The following NCOA2 variants were observed in gnomAD, a reference collection of about 807,000 sequenced individuals.
The protein encoded by NCOA2 is class E basic helix-loop-helix protein 75.
In NCOA2, 21 loss-of-function variants were observed where a neutral mutation model predicts 145.1. The observed-to-expected ratio is 0.14, with a 90% CI of 0.10 to 0.21. The LOEUF is 0.21. NCOA2 is among the 10% of genes least tolerant of loss of function. The pLI is 1.00. For synonymous variants in NCOA2, 619 were observed against 637.5 expected, an observed-to-expected ratio of 0.97 and a Z score of 0.44; for missense variants, 1,472 against 1,837.6, an observed-to-expected ratio of 0.80 and a Z score of 3.64.
the NCOA2 span, among the ~76,000 whole-genome samples, chr8:70,456,038 C>T: frequency 6.7e-6 from 1 of 148,202 alleles, no homozygotes; most frequent in Non-Finnish European, 1.5e-5. Flanking sequence ...TAGATGAAGA[C>T]ATTTGGGGAC....
At chr8:70,172,481 C>T (rs58958085) in intron 5 of NCOA2, among the ~76,000 whole-genome samples, 8,207 of 152,220 alleles carry the variant, frequency 0.054, 740 homozygotes, top group African/African-American at 0.19. Flanking sequence ...CCATAAGGCA[C>T]CAGAGAAAGG....
intron 2 of NCOA2, among the ~76,000 whole-genome samples, chr8:70,278,223 G>A (rs1470138571): frequency 1.3e-5 from 2 of 152,168 alleles, no homozygotes; most frequent in East Asian, 3.9e-4. Context: ...CATCCATTTT[G>A]TAGCATGTAT....
the NCOA2 span, among the ~76,000 whole-genome samples, chr8:70,452,407 G>C: frequency 6.6e-6 from 1 of 152,158 alleles, no homozygotes; most frequent in African/African-American, 2.4e-5. Flanking sequence ...ACACCCATGA[G>C]GATAACTATA....
chr8:70,231,989 T>A (rs1821180789), intron 2 of NCOA2, among the ~76,000 whole-genome samples: 1 of 152,146 alleles, frequency 6.6e-6, no homozygotes. Flanking sequence ...AACTAATGAG[T>A]ATCCCGCAGG....
At chr8:70,441,809 A>G in the NCOA2 span, among the ~76,000 whole-genome samples, 1 of 82,992 alleles carries the variant, frequency 1.2e-5, no homozygotes, top group Non-Finnish European at 2.5e-5. Context: ...AGAAAGAAAG[A>G]AAGAAAGAAG....
chr8:70,422,035 C>T, the NCOA2 span, among the ~76,000 whole-genome samples: 1 of 151,620 alleles, frequency 6.6e-6, no homozygotes, highest in Non-Finnish European at 1.5e-5. Context: ...GTGGAGGTTG[C>T]ATTGAGCTGA....
chr8:70,198,746 CTCGGTAAGGACAAA>C (rs1241174242), intron 4 of NCOA2, among the ~76,000 whole-genome samples: 1 of 152,048 alleles, frequency 6.6e-6, no homozygotes, highest in Non-Finnish European at 1.5e-5. Context: ...GGTTTCTAGC[CTCGGTAAGGACAAA>C]ACAGGTGATC....
intron 14 of NCOA2, among the ~76,000 whole-genome samples, chr8:70,140,392 A>G (rs1432844169): frequency 6.6e-6 from 1 of 152,076 alleles, no homozygotes; most frequent in African/African-American, 2.4e-5. Flanking sequence ...ATCAATTTTA[A>G]TAATATGTGA....
intron 12 of NCOA2, among the ~76,000 whole-genome samples, chr8:70,146,794 C>A (rs1055371969): frequency 6.6e-6 from 1 of 152,088 alleles, no homozygotes; most frequent in African/African-American, 2.4e-5. Context: ...CTTCCGGGTT[C>A]AAGCAATTCT....
rs1189429267 is a variant in NCOA2 at position 70,385,788 on chromosome 8, A to AT, written c.-77+17911dup. Among the ~76,000 whole-genome samples, 11 of 152,274 alleles carry AT rather than the reference A, an allele frequency of 7.2e-5. No individual in the cohort carries two copies. The South Asian group carries it at 2.3e-3, about 32-fold the overall frequency. ...AATAGAATGTTCCACAAATTTTACAATTTTTCTGCCTTTTAGGCATCACCT... is the reference window on the plus strand; with the variant it reads ...AATAGAATGTTCCACAAATTTTACAATTTTTTCTGCCTTTTAGGCATCACCT... On this transcript the variant is annotated intron_variant, in intron 1 of 22. Coordinates refer to ENST00000452400, the MANE Select transcript of NCOA2 (RefSeq NM_006540.4).
the NCOA2 span, among the ~76,000 whole-genome samples, chr8:70,411,319 G>A: frequency 3.3e-5 from 5 of 152,106 alleles, no homozygotes; most frequent in African/African-American, 1.2e-4. Context: ...GATTGCTAAG[G>A]GAGAAATAGA....
chr8:70,278,965 TCCC>T (rs1563715173), intron 2 of NCOA2, among the ~76,000 whole-genome samples: 1 of 136,552 alleles, frequency 7.3e-6, no homozygotes, highest in Non-Finnish European at 1.6e-5. Flanking sequence ...GACTCTTGTC[TCCC>T]CCAACCAAAA....
At chr8:70,263,775 A>G (rs1212419290) in intron 2 of NCOA2, among the ~76,000 whole-genome samples, 2 of 152,060 alleles carry the variant, frequency 1.3e-5, no homozygotes, top group Non-Finnish European at 2.9e-5. Context: ...AAATGGGCAA[A>G]ATATATTAAC....
At chr8:70,386,530 A>T (rs1002596435) in intron 1 of NCOA2, among the ~76,000 whole-genome samples, 3 of 151,890 alleles carry the variant, frequency 2.0e-5, no homozygotes, top group Admixed American at 6.5e-5. Flanking sequence ...TCCAAAAAAT[A>T]CATGTCATCG....
At chr8:70,286,596 T>C (rs1401878293) in intron 2 of NCOA2, among the ~76,000 whole-genome samples, 5 of 152,206 alleles carry the variant, frequency 3.3e-5, no homozygotes, top group African/African-American at 4.8e-5. Flanking sequence ...AATTAAATTA[T>C]CTTTACTATG....
rs1585678814 is a variant in NCOA2 at position 70,111,599 on chromosome 8, CCT to C, written c.*2031_*2032del. On this transcript the variant is annotated 3_prime_UTR_variant, in exon 23 of 23. Transcript: ENST00000452400. ...TTGGCCACCTCCCTGTATTGAGACCCCTCTCAAGTGGAAAAAAGTAGCGAAAT... is the reference window on the plus strand; with the variant it reads ...TTGGCCACCTCCCTGTATTGAGACCCCTCAAGTGGAAAAAAGTAGCGAAAT... 4.6e-6 allele frequency: 1 copy of C among 216,538 alleles called. No homozygotes were observed. The highest frequency in any genetic ancestry group is 9.3e-6 in the Non-Finnish European group (1 of 107,740). The allele number at this position is 216,538 out of a possible 1,614,324, so 13.4% of individuals were successfully genotyped here. A position where few individuals can be genotyped will look rare whatever the true frequency, so the allele number is the denominator to read the frequency against.
At chr8:70,159,702 G>A in intron 9 of NCOA2, 50 bp from the exon 10 acceptor site, 1 of 1,533,938 alleles carries the variant, frequency 6.5e-7, no homozygotes, top group Non-Finnish European at 8.9e-7. Flanking sequence ...AAAAATTGAG[G>A]GGTCGGGGAG....
intron 1 of NCOA2, among the ~76,000 whole-genome samples, chr8:70,322,979 T>C (rs146007248): frequency 8.5e-4 from 129 of 152,336 alleles, no homozygotes; most frequent in Non-Finnish European, 1.3e-3. Context: ...TTAGGCTGTG[T>C]CGTAAGACTC....
At chr8:70,313,696 A>C (rs1805311532) in intron 1 of NCOA2, among the ~76,000 whole-genome samples, 1 of 152,182 alleles carries the variant, frequency 6.6e-6, no homozygotes, top group Admixed American at 6.6e-5. Flanking sequence ...CACACGAAAA[A>C]ATTTTTAGGA....
Sources: gnomAD v4.1 joint callset for allele counts (sites outside exome capture counted in the v4.1 genomes callset) on GRCh38, gnomAD v4.1.1 for gene constraint, MANE v1.5 for transcripts, NCBI Gene and HGNC (gene_info 2026-07-23, HGNC 2026-07-21) for gene names.